SLC9D1: variants seen among roughly 807,000 people sequenced by gnomAD.
SLC9D1 encodes the protein solute carrier family 9 member D1.
chr13:113,518,770 G>A, the SLC9D1 span, among the ~76,000 whole-genome samples: 1 of 152,210 alleles, frequency 6.6e-6, no homozygotes, highest in African/African-American at 2.4e-5. Context: ...ATCATCTCCT[G>A]AATCGTGTAA....
chr13:113,533,957 G>A, the SLC9D1 span: 1 of 1,013,080 alleles, frequency 9.9e-7, no homozygotes, highest in South Asian at 1.6e-5. Context: ...TTTGTAGCAT[G>A]TTAAAGAAAA....
chr13:113,548,518 G>C, the SLC9D1 span: 1 of 1,535,516 alleles, frequency 6.5e-7, no homozygotes. Context: ...TTTGAGTCGG[G>C]TGTGGCGAAG....
chr13:113,498,902 GT>G, the SLC9D1 span, among the ~76,000 whole-genome samples: 28,001 of 152,012 alleles, frequency 0.18, 3,371 homozygotes, highest in African/African-American at 0.35. Flanking sequence ...TGGATCAGGG[GT>G]AGTCCATAGA....
the SLC9D1 span, chr13:113,547,427 T>C: frequency 0.34 from 490,785 of 1,448,458 alleles, 93,198 homozygotes; most frequent in African/African-American, 0.76. Context: ...AGGCTCAGCA[T>C]AGCCCTCCCT....
At chr13:113,501,816 C>T in the SLC9D1 span, 1 of 1,610,010 alleles carries the variant, frequency 6.2e-7, no homozygotes, top group Non-Finnish European at 8.5e-7. Flanking sequence ...ATAGGATTGC[C>T]TACAATGTTT....
chr13:113,509,880 A>G, the SLC9D1 span, among the ~76,000 whole-genome samples: 1 of 152,116 alleles, frequency 6.6e-6, no homozygotes, highest in African/African-American at 2.4e-5. Context: ...TGGCTCCAAC[A>G]TTTACTGGCC....
At chr13:113,506,558 A>AGTGTGTGT in the SLC9D1 span, among the ~76,000 whole-genome samples, 98 of 109,862 alleles carry the variant, frequency 8.9e-4, 1 homozygote, top group East Asian at 0.022. Context: ...TGTGTGTGTG[A>AGTGTGTGT]GTGTGTGTGT....
At chr13:113,542,588 CAG>C in the SLC9D1 span, among the ~76,000 whole-genome samples, 2 of 152,216 alleles carry the variant, frequency 1.3e-5, no homozygotes, top group African/African-American at 4.8e-5. Context: ...AACTTTGACA[CAG>C]AAAGTTTAAA....
the SLC9D1 span, among the ~76,000 whole-genome samples, chr13:113,511,439 G>C: frequency 1.3e-5 from 2 of 152,190 alleles, no homozygotes; most frequent in African/African-American, 4.8e-5. Flanking sequence ...GGAGCATGTG[G>C]GACCCACATG....
At chr13:113,498,952 A>C in the SLC9D1 span, among the ~76,000 whole-genome samples, 1 of 152,244 alleles carries the variant, frequency 6.6e-6, no homozygotes, top group Admixed American at 6.5e-5. Context: ...GTAAAGAAAC[A>C]AAACAATGGC....
At chr13:113,494,493 C>T in the SLC9D1 span, among the ~76,000 whole-genome samples, 17 of 152,142 alleles carry the variant, frequency 1.1e-4, no homozygotes, top group East Asian at 1.9e-4. Flanking sequence ...CTGAAACCGT[C>T]CTCATTCCCC....
At chr13:113,527,245 A>G in the SLC9D1 span, 2 of 152,214 alleles carry the variant, frequency 1.3e-5, no homozygotes, top group Non-Finnish European at 2.9e-5. Flanking sequence ...TCTTCTTCTC[A>G]TACCTGTTTT....
At chr13:113,493,494 C>T in the SLC9D1 span, among the ~76,000 whole-genome samples, 6,288 of 152,210 alleles carry the variant, frequency 0.041, 170 homozygotes, top group Non-Finnish European at 0.057. Context: ...AACAGCTCAG[C>T]TATATGGCTA....
chr13:113,518,962 G>C, the SLC9D1 span, among the ~76,000 whole-genome samples: 1 of 152,086 alleles, frequency 6.6e-6, no homozygotes. Context: ...CTGGCATCAA[G>C]GGGTTTTGTG....
the SLC9D1 span, chr13:113,520,659 G>A: frequency 3.1e-6 from 5 of 1,613,900 alleles, no homozygotes; most frequent in African/African-American, 1.3e-5. Context: ...TGCTGGTGAC[G>A]CAGGACGTGC....
At chr13:113,515,789 G>T in the SLC9D1 span, among the ~76,000 whole-genome samples, 1 of 151,334 alleles carries the variant, frequency 6.6e-6, no homozygotes, top group African/African-American at 2.4e-5. Flanking sequence ...CACTCAAGAG[G>T]CTGAGGCAGA....
At chr13:113,517,104 G>T in the SLC9D1 span, among the ~76,000 whole-genome samples, 6 of 152,130 alleles carry the variant, frequency 3.9e-5, no homozygotes, top group Non-Finnish European at 7.4e-5. Flanking sequence ...GAGCGCCCTT[G>T]TCTCCCTGGG....
At chr13:113,547,773 T>C in the SLC9D1 span, among the ~76,000 whole-genome samples, 1 of 152,166 alleles carries the variant, frequency 6.6e-6, no homozygotes, top group South Asian at 2.1e-4. Flanking sequence ...TGTCCACATT[T>C]AATTGAAGGT....
the SLC9D1 span, chr13:113,520,514 A>G: frequency 1.2e-6 from 1 of 803,906 alleles, no homozygotes; most frequent in Admixed American, 2.5e-5. Context: ...TAAAGTGCCA[A>G]AATAATTTGA....
Sources: gnomAD v4.1 joint callset for allele counts (sites outside exome capture counted in the v4.1 genomes callset) on GRCh38, gnomAD v4.1.1 for gene constraint, MANE v1.5 for transcripts, NCBI Gene and HGNC (gene_info 2026-07-23, HGNC 2026-07-21) for gene names.